PCDH1: variants seen among roughly 807,000 people sequenced by gnomAD.
PCDH1 encodes protocadherin 1.
A neutral mutation model predicts 74.6 loss-of-function variants in PCDH1; 23 were observed. That is an observed-to-expected ratio of 0.31 (90% CI 0.22 to 0.44). PCDH1 has a LOEUF of 0.44. Ranked by LOEUF, PCDH1 falls within the 20% of genes least tolerant of loss-of-function variation. PCDH1 has a pLI of 1.00. For synonymous variants in PCDH1, 647 were observed against 686.1 expected, an observed-to-expected ratio of 0.94 and a Z score of 0.89; for missense variants, 1,214 against 1,641.4, an observed-to-expected ratio of 0.74 and a Z score of 4.50.
chr5:141,859,369 G>A (rs1752481590), intron 3 of PCDH1, among the ~76,000 whole-genome samples: 1 of 152,086 alleles, frequency 6.6e-6, no homozygotes, highest in African/African-American at 2.4e-5. Context: ...GGAGGGTTGG[G>A]TTATACCCAA....
chr5:141,856,322 GGGTGGA>G, intron 4 of PCDH1: 2 of 1,402,106 alleles, frequency 1.4e-6, no homozygotes, highest in Non-Finnish European at 2.0e-6. Flanking sequence ...GGCGGGGTGG[GGGTGGA>G]GGGCACTCTG....
chr5:141,863,297 T>C lies in PCDH1; in HGVS notation c.3034A>G (p.Thr1012Ala). The C allele has an allele frequency of 1.3e-6, 2 of 1,573,562 alleles. No individual in the cohort carries two copies. Among genetic ancestry groups the C allele is most frequent in the Non-Finnish European group, 1.7e-6 (2 of 1,159,114 alleles). ...TFVGTGDTTS[T>A]GSEQYSDYSY... ...TAGTCGGAGTACTGCTCAGAGCCCGTGGACGTGGTGTCCCCGGTGCCCACG... is the reference window on the plus strand; with the variant it reads ...TAGTCGGAGTACTGCTCAGAGCCCGCGGACGTGGTGTCCCCGGTGCCCACG... Residue 1012 changes from threonine (T) to alanine (A), a missense_variant, in exon 3 of 5, where the codon ACG (threonine) becomes GCG (alanine). Thr to Ala is a moderately conservative substitution (Grantham distance 58). This residue lies in a region of PCDH1 where 836 missense variants were observed against 1,182.2 expected (regional missense o/e 0.71). Transcript: ENST00000287008. This position sits in a 1 kb window ranked among gnomAD's most constrained non-coding sequence, Gnocchi z 7.5.
At chr5:141,854,481 C>T in intron 4 of PCDH1, 45 bp from the exon 5 acceptor site, 1 of 1,547,364 alleles carries the variant, frequency 6.5e-7, no homozygotes, top group Non-Finnish European at 8.7e-7. Flanking sequence ...CATACAGCCT[C>T]TGCAAAGCTC....
At position 141,868,687 on chromosome 5, in the gene PCDH1, C is replaced by A; in HGVS notation, c.785G>T (p.Ser262Ile). 6.2e-7 allele frequency: 1 copy of A among 1,613,538 alleles called. No homozygotes were observed. Among genetic ancestry groups the A allele is most frequent in the Non-Finnish European group, 8.5e-7 (1 of 1,179,654 alleles). The stretch of plus-strand genomic sequence containing the variant: ...CACGGTGACACGCAGCAGGGCACTG[C>A]TGGCGCGTGGGGGGCTGCCGCCATC... ...VQDGGSPPRASSALLRVTVLD... is the reference protein window; with the variant it reads ...VQDGGSPPRAISALLRVTVLD... The change falls in exon 2 of 5, where the codon AGC becomes ATC. Residue 262 changes from serine to isoleucine, a missense_variant. Coordinates refer to ENST00000287008, the MANE Select transcript of PCDH1 (RefSeq NM_032420.5). The surrounding 1 kb of genome is among the most constrained non-coding windows in gnomAD (Gnocchi z 4.8).
Position 141,863,673 on chromosome 5 carries a change from G to A in PCDH1, c.2658C>T (p.Tyr886=). The change falls in exon 3 of 5, where the codon TAC becomes TAT. Residue 886 remains tyrosine (Y), a synonymous_variant. Transcript: ENST00000287008. The surrounding 1 kb of genome is among the most constrained non-coding windows in gnomAD (Gnocchi z 7.5). ...YCRQREAKSG[Y]QAGKKETKDL... is the part of the protein sequence containing the mutation. ...CCTTGGTCTCCTTCTTACCAGCCTG[G>A]TAACCACTTTTGGCCTCCCGCTGTC... 3 of 1,614,160 alleles carry A rather than the reference G, an allele frequency of 1.9e-6. No homozygotes were observed. Among genetic ancestry groups the A allele is most frequent in the Non-Finnish European group, 2.5e-6 (3 of 1,180,020 alleles).
intron 1 of PCDH1, among the ~76,000 whole-genome samples, chr5:141,876,801 C>G (rs765653254): frequency 3.4e-4 from 52 of 152,260 alleles, no homozygotes; most frequent in Non-Finnish European, 6.3e-4. Context: ...TGTGTGGGAC[C>G]CAGGTGTGCT....
chr5:141,860,837 C>T (rs780358359), intron 3 of PCDH1, among the ~76,000 whole-genome samples: 2 of 152,074 alleles, frequency 1.3e-5, no homozygotes, highest in Admixed American at 6.5e-5. Context: ...AAGTGAGTGC[C>T]GGGCATGGTG....
Position 141,869,163 on chromosome 5 carries a change from G to A in PCDH1, c.309C>T (p.Gly103=). Residue 103 remains glycine (G), a synonymous_variant, in exon 2 of 5, where the codon GGC becomes GGT. Coordinates refer to ENST00000287008, the MANE Select transcript of PCDH1 (RefSeq NM_032420.5). The surrounding 1 kb of genome is among the most constrained non-coding windows in gnomAD (Gnocchi z 4.9). ...CGGTGGTGAAAATGTCACCTGTCTT[G>A]CCATCCACGCGAAGGTACGGGGCAC... is the stretch of plus-strand genomic sequence containing the variant. ...EVGAPYLRVD[G]KTGDIFTTET... 1 of 1,613,828 alleles carries A rather than the reference G, an allele frequency of 6.2e-7. No homozygotes were observed. The highest frequency in any genetic ancestry group is 8.5e-7 in the Non-Finnish European group (1 of 1,179,966).
In PCDH1 at chr5:141,868,829, C is replaced by T. The variant is rs927679290; in HGVS notation, c.643G>A (p.Glu215Lys). The T allele has an allele frequency of 3.1e-6, 5 of 1,614,094 alleles. No homozygotes were observed. The highest frequency in any genetic ancestry group is 1.3e-5 in the African/African-American group (1 of 74,934). Residue 215 changes from glutamate (E) to lysine (K), a missense_variant, in exon 2 of 5, where the codon GAG (glutamate) becomes AAG (lysine). Transcript: ENST00000287008. The surrounding 1 kb of genome is among the most constrained non-coding windows in gnomAD (Gnocchi z 4.8). ...TCTGCCACCTGCAGCCCAAATAGCTCCTGGGCCTCAGGCCCAGCCTGCAGC... is the reference window on the plus strand; with the variant it reads ...TCTGCCACCTGCAGCCCAAATAGCTTCTGGGCCTCAGGCCCAGCCTGCAGC... ...YELQAGPEAQ[E>K]LFGLQVAEDQ...
intron 1 of PCDH1, among the ~76,000 whole-genome samples, chr5:141,873,925 GA>G (rs1458531886): frequency 6.6e-6 from 1 of 152,164 alleles, no homozygotes; most frequent in African/African-American, 2.4e-5. Context: ...CCATACTACA[GA>G]TGATCAAATG....
At chr5:141,858,180 G>A (rs1198542789) in intron 3 of PCDH1, among the ~76,000 whole-genome samples, 4 of 152,076 alleles carry the variant, frequency 2.6e-5, no homozygotes, top group Admixed American at 6.6e-5. Context: ...CCCTGCTGTC[G>A]CCCCTCCCAC....
chr5:141,878,246 C>T lies in PCDH1; in HGVS notation c.17G>A (p.Gly6Asp). 1.5e-6 allele frequency: 2 copies of T among 1,370,122 alleles called. No individual in the cohort carries two copies. The highest frequency in any genetic ancestry group is 1.6e-5 in the South Asian group (1 of 60,726). 84.9% of individuals were successfully genotyped at this position (1,370,122 alleles called of 1,614,324 possible). ...ACCCGCCTCCGGGCAGCGCCGGCCGCCCGCCCCGCTGTCCATGAGCCGCCG... is the reference window on the plus strand; with the variant it reads ...ACCCGCCTCCGGGCAGCGCCGGCCGTCCGCCCCGCTGTCCATGAGCCGCCG... MDSGA[G>D]GRRCPEAALL... Residue 6 changes from glycine (G) to aspartate (D), a missense_variant, in exon 1 of 5, where the codon GGC (glycine) becomes GAC (aspartate). Gly to Asp is a moderately conservative substitution (Grantham distance 94). This residue lies in a region of PCDH1 where 87 missense variants were observed against 87.7 expected (regional missense o/e 0.99). Transcript: ENST00000287008. This position sits in a 1 kb window ranked among gnomAD's most constrained non-coding sequence, Gnocchi z 5.5.
chr5:141,861,375 T>A (rs1351382926), intron 3 of PCDH1, among the ~76,000 whole-genome samples: 2 of 152,170 alleles, frequency 1.3e-5, no homozygotes, highest in Non-Finnish European at 2.9e-5. Context: ...ATCTGAATGT[T>A]GGGAGAAGAC....
In PCDH1 at chr5:141,878,299, C is replaced by T. The variant is rs995501557; in HGVS notation, c.-37G>A. On this transcript the variant is annotated 5_prime_UTR_variant, in exon 1 of 5. Coordinates refer to ENST00000287008, the MANE Select transcript of PCDH1 (RefSeq NM_032420.5). The surrounding 1 kb of genome is among the most constrained non-coding windows in gnomAD (Gnocchi z 5.5). ...GGCCCCGGCCTGGGCTGCGGCTCCG[C>T]ACGGCTGGGGCTGGAGCTGCAGTTC... The T allele has an allele frequency of 8.9e-6, 11 of 1,233,228 alleles. No individual in the cohort carries two copies. Among genetic ancestry groups the T allele is most frequent in the Admixed American group, 8.9e-5 (2 of 22,522 alleles). The allele number at this position is 1,233,228 out of a possible 1,614,324, so 76.4% of individuals were successfully genotyped here. A position where few individuals can be genotyped will look rare whatever the true frequency, so the allele number is the denominator to read the frequency against.
intron 3 of PCDH1, among the ~76,000 whole-genome samples, chr5:141,861,944 A>C (rs901828712): frequency 6.6e-6 from 1 of 152,156 alleles, no homozygotes; most frequent in African/African-American, 2.4e-5. Context: ...CACAGGCGGA[A>C]GGCAGAACTA....
At chr5:141,874,479 G>A (rs886070124) in intron 1 of PCDH1, among the ~76,000 whole-genome samples, 1 of 152,246 alleles carries the variant, frequency 6.6e-6, no homozygotes, top group Non-Finnish European at 1.5e-5. Context: ...AGAGCCTGAG[G>A]GGGAACAGGC....
chr5:141,865,556 C>A lies in PCDH1; in HGVS notation c.904-129G>T. The A allele has an allele frequency of 9.5e-7, 1 of 1,053,124 alleles. No homozygotes were observed. The highest frequency in any genetic ancestry group is 2.2e-5 in the Admixed American group (1 of 45,054). 65.2% of individuals were successfully genotyped at this position (1,053,124 alleles called of 1,614,324 possible). A position where few individuals can be genotyped will look rare whatever the true frequency, so the allele number is the denominator to read the frequency against. On this transcript the variant is annotated intron_variant, in intron 2 of 4. Coordinates refer to ENST00000287008, the MANE Select transcript of PCDH1 (RefSeq NM_032420.5). The surrounding 1 kb of genome is among the most constrained non-coding windows in gnomAD (Gnocchi z 4.4). Reference sequence around the variant, plus strand: ...CAGACACAGCCAATCCAACATCGCTCCCTTTCCAGAAGCCATGTGTGTCCT... The same window carrying A: ...CAGACACAGCCAATCCAACATCGCTACCTTTCCAGAAGCCATGTGTGTCCT...
intron 3 of PCDH1, chr5:141,862,838 A>G: frequency 9.2e-7 from 1 of 1,085,114 alleles, no homozygotes; most frequent in Non-Finnish European, 1.1e-6. Context: ...CTCCTAGAGA[A>G]GCACCTAGGT....
chr5:141,869,763 G>A lies in PCDH1; in HGVS notation c.41-332C>T. ...GCCCTCTTTCCTTCTTTTCCTCCTT[G>A]CTCTCTGCTCTGTGCTTCACCCAAC... On this transcript the variant is annotated intron_variant, in intron 1 of 4. Transcript: ENST00000287008. The surrounding 1 kb of genome is among the most constrained non-coding windows in gnomAD (Gnocchi z 4.9). 1.0e-6 allele frequency: 1 copy of A among 985,368 alleles called. No individual in the cohort carries two copies. Among genetic ancestry groups the A allele is most frequent in the Non-Finnish European group, 1.2e-6 (1 of 829,914 alleles). The allele number at this position is 985,368 out of a possible 1,614,324, so 61.0% of individuals were successfully genotyped here. A position where few individuals can be genotyped will look rare whatever the true frequency, so the allele number is the denominator to read the frequency against.
Sources: allele counts gnomAD v4.1 joint callset (sites outside exome capture counted in the v4.1 genomes callset), GRCh38; gene constraint gnomAD v4.1.1; regional missense constraint gnomAD v4.1.1; non-coding constraint Gnocchi (gnomAD v3.1); transcripts MANE v1.5; gene names NCBI Gene and HGNC (gene_info 2026-07-23, HGNC 2026-07-21).